NALF1: variants seen among roughly 807,000 people sequenced by gnomAD.
NALF1 encodes the protein NALCN channel auxiliary factor 1.
A neutral mutation model predicts 48.4 loss-of-function variants in NALF1; 3 were observed. That is an observed-to-expected ratio of 0.06 (90% CI 0.03 to 0.16). The LOEUF is 0.16. NALF1 is among the 10% of genes least tolerant of loss of function. NALF1 has a pLI of 1.00. For synonymous variants in NALF1, 262 were observed against 245.7 expected, an observed-to-expected ratio of 1.07 and a Z score of -0.62; for missense variants, 526 against 571.5, an observed-to-expected ratio of 0.92 and a Z score of 0.81.
intron 1 of NALF1, among the ~76,000 whole-genome samples, chr13:107,581,717 A>G (rs1878316735): frequency 6.6e-6 from 1 of 152,178 alleles, no homozygotes; most frequent in African/African-American, 2.4e-5. Flanking sequence ...ACAGCTCATA[A>G]GCAAATGGCA....
chr13:107,525,255 A>T (rs1469937571), intron 1 of NALF1, among the ~76,000 whole-genome samples: 1 of 152,062 alleles, frequency 6.6e-6, no homozygotes, highest in African/African-American at 2.4e-5. Flanking sequence ...TCCCTCATAC[A>T]ATCCACTTAC....
intron 1 of NALF1, among the ~76,000 whole-genome samples, chr13:107,491,795 C>A (rs959234401): frequency 6.6e-6 from 1 of 151,888 alleles, no homozygotes; most frequent in African/African-American, 2.4e-5. Context: ...AATTATAGTG[C>A]ACATTTAATT....
chr13:107,341,627 TTA>T (rs967020759), intron 1 of NALF1, among the ~76,000 whole-genome samples: 1 of 151,348 alleles, frequency 6.6e-6, no homozygotes, highest in Non-Finnish European at 1.5e-5. Context: ...TGTACATATA[TTA>T]TATATATACA....
In NALF1 at chr13:107,362,433, C is replaced by A. The variant is rs1883079804; in HGVS notation, c.916-151678G>T. Among the ~76,000 whole-genome samples the A allele has an allele frequency of 6.6e-6, 1 of 152,144 alleles. No homozygotes were observed. Among genetic ancestry groups the A allele is most frequent in the Non-Finnish European group, 1.5e-5 (1 of 68,024 alleles). On this transcript the variant is annotated intron_variant, in intron 1 of 2. Coordinates refer to ENST00000375915, the MANE Select transcript of NALF1 (RefSeq NM_001080396.3). This position sits in a 1 kb window ranked among gnomAD's most constrained non-coding sequence, Gnocchi z 4.6. ...AGCATCTTCGCTTGCCTCCTCCTGACTTTGGAGGTATCAGGCAATCGGTGA... is the reference window on the plus strand; with the variant it reads ...AGCATCTTCGCTTGCCTCCTCCTGAATTTGGAGGTATCAGGCAATCGGTGA...
intron 1 of NALF1, among the ~76,000 whole-genome samples, chr13:107,588,149 C>G (rs939786730): frequency 1.3e-5 from 2 of 152,094 alleles, no homozygotes; most frequent in Admixed American, 1.3e-4. Flanking sequence ...TGACACCATC[C>G]AAGAGCTTCC....
At chr13:107,627,931 A>G (rs1879723864) in intron 1 of NALF1, among the ~76,000 whole-genome samples, 1 of 152,130 alleles carries the variant, frequency 6.6e-6, no homozygotes, top group Admixed American at 6.6e-5. Flanking sequence ...AAATAATAAT[A>G]AATAAAAAAT....
At chr13:107,679,018 C>G (rs1881206539) in intron 1 of NALF1, among the ~76,000 whole-genome samples, 1 of 152,148 alleles carries the variant, frequency 6.6e-6, no homozygotes, top group Admixed American at 6.5e-5. Flanking sequence ...GTTCCTCTTT[C>G]CGTAAAAGGT....
chr13:107,659,497 G>T (rs939952639), intron 1 of NALF1, among the ~76,000 whole-genome samples: 2 of 124,926 alleles, frequency 1.6e-5, no homozygotes, highest in South Asian at 2.8e-4. Flanking sequence ...TTCCCCTATA[G>T]CATTTATTTG....
At chr13:107,187,838 C>A (rs755980283) in intron 2 of NALF1, among the ~76,000 whole-genome samples, 1 of 152,124 alleles carries the variant, frequency 6.6e-6, no homozygotes, top group African/African-American at 2.4e-5. Context: ...TCTGTCTTTT[C>A]TCTCATATAC....
rs568339025 is a variant in NALF1, at chr13:107,690,116, T to C, written c.915+175566A>G. Among the ~76,000 whole-genome samples, 241 of 152,246 alleles carry C rather than the reference T, an allele frequency of 1.6e-3. 4 individuals carry two copies. The highest frequency in any genetic ancestry group is 3.4e-3 in the Middle Eastern group (1 of 294). On this transcript the variant is annotated intron_variant, in intron 1 of 2. Transcript: ENST00000375915. ...TTATTGTTCCTATATTTTTTACACA[T>C]GAAGAATATGAAAAAAGAGAAGAAT...
intron 1 of NALF1, among the ~76,000 whole-genome samples, chr13:107,862,296 G>T (rs1021537405): frequency 2.6e-5 from 4 of 152,058 alleles, no homozygotes; most frequent in African/African-American, 9.7e-5. Flanking sequence ...ATGTATAAGA[G>T]AAAATATGTA....
Position 107,423,483 on chromosome 13 carries a change from T to C in NALF1, c.916-212728A>G, listed in dbSNP as rs561973197. Among the ~76,000 whole-genome samples, 5 of 152,264 alleles carry C rather than the reference T, an allele frequency of 3.3e-5. No homozygotes were observed. The South Asian group carries it at 1.0e-3, about 32-fold the overall frequency. On this transcript the variant is annotated intron_variant, in intron 1 of 2. Transcript: ENST00000375915. Reference sequence around the variant, plus strand: ...TGGCAGTATTTTATAGAATTTTCCATCTTCTCTGGTGGGGAAATCCAGTGC... The same window carrying C: ...TGGCAGTATTTTATAGAATTTTCCACCTTCTCTGGTGGGGAAATCCAGTGC...
intron 2 of NALF1, among the ~76,000 whole-genome samples, chr13:107,189,491 A>G (rs958660778): frequency 2.6e-5 from 4 of 152,190 alleles, no homozygotes; most frequent in African/African-American, 9.6e-5. Flanking sequence ...AGGATGGGGT[A>G]CAGGAAAGTC....
chr13:107,314,519 C>T (rs936742538), intron 1 of NALF1, among the ~76,000 whole-genome samples: 1 of 151,952 alleles, frequency 6.6e-6, no homozygotes, highest in African/African-American at 2.4e-5. Context: ...ACAATTTTAC[C>T]CCATCTGACT....
chr13:107,404,566 C>T (rs1035558935), intron 1 of NALF1, among the ~76,000 whole-genome samples: 1 of 151,950 alleles, frequency 6.6e-6, no homozygotes, highest in Non-Finnish European at 1.5e-5. Flanking sequence ...GCAATTAATG[C>T]TCATGAAAAT....
At chr13:107,835,250 T>C (rs553858361) in intron 1 of NALF1, among the ~76,000 whole-genome samples, 1 of 152,306 alleles carries the variant, frequency 6.6e-6, no homozygotes, top group Non-Finnish European at 1.5e-5. Flanking sequence ...GATTTTTCCT[T>C]TCTTTCCTTA....
In NALF1 at chr13:107,521,080, T is replaced by C. The variant is rs79454836; in HGVS notation, c.916-310325A>G. Among the ~76,000 whole-genome samples, 1,073 of 152,288 alleles carry C rather than the reference T, an allele frequency of 7.0e-3. 42 individuals carry two copies. The East Asian group carries it at 0.1, about 15-fold the overall frequency. On this transcript the variant is annotated intron_variant, in intron 1 of 2. Coordinates refer to ENST00000375915, the MANE Select transcript of NALF1 (RefSeq NM_001080396.3). ...ATAAAGTAAGCTTTATAAGAAGTGA[T>C]TTTGCATTCACACAGCATGACTAGA...
intron 1 of NALF1, among the ~76,000 whole-genome samples, chr13:107,593,359 G>T (rs1878651441): frequency 6.6e-6 from 1 of 151,082 alleles, no homozygotes; most frequent in Non-Finnish European, 1.5e-5. Flanking sequence ...AATTTTTATG[G>T]CTACTTTTTA....
chr13:107,853,298 T>C (rs549060171), intron 1 of NALF1, among the ~76,000 whole-genome samples: 1 of 152,354 alleles, frequency 6.6e-6, no homozygotes, highest in African/African-American at 2.4e-5. Context: ...CTGAGCTTCA[T>C]TTCCTTATCA....
Sources: gnomAD v4.1 joint callset for allele counts (sites outside exome capture counted in the v4.1 genomes callset) on GRCh38, gnomAD v4.1.1 for gene constraint, Gnocchi (gnomAD v3.1) non-coding constraint, MANE v1.5 for transcripts, NCBI Gene and HGNC (gene_info 2026-07-23, HGNC 2026-07-21) for gene names.